Variants in OTOP1 observed in about 807,000 individuals in gnomAD.
OTOP1 encodes proton channel OTOP1.
OTOP1 carries 59 observed loss-of-function variants against 52.9 expected under a neutral mutation model. That is an observed-to-expected ratio of 1.12 (90% CI 0.91 to 1.39). The LOEUF (loss-of-function observed/expected upper bound fraction) is 1.39, where lower values mean the gene tolerates loss of function less well. OTOP1 is among the 40% of genes most tolerant of loss of function. The pLI is 0.00. For synonymous variants in OTOP1, 317 were observed against 337.7 expected, an observed-to-expected ratio of 0.94 and a Z score of 0.67; for missense variants, 761 against 800.9, an observed-to-expected ratio of 0.95 and a Z score of 0.60.
At chr4:4,189,528 G>A (rs1374206869) in intron 5 of OTOP1, among the ~76,000 whole-genome samples, 19 of 152,098 alleles carry the variant, frequency 1.2e-4, no homozygotes, top group Admixed American at 1.2e-3. Flanking sequence ...CAGCCTCTAG[G>A]ATGACCCTCA....
At chr4:4,223,622 G>C (rs189912708) in intron 1 of OTOP1, among the ~76,000 whole-genome samples, 1 of 152,088 alleles carries the variant, frequency 6.6e-6, no homozygotes, top group Non-Finnish European at 1.5e-5. Flanking sequence ...GCACCAGGCC[G>C]GGCGTGGTGG....
chr4:4,220,103 A>AT (rs1463272602), intron 1 of OTOP1, among the ~76,000 whole-genome samples: 33 of 53,592 alleles, frequency 6.2e-4, no homozygotes, highest in African/African-American at 1.5e-3. Context: ...ATATATATAT[A>AT]TATTTTTTTT....
At chr4:4,189,565 C>T (rs113778725) in intron 5 of OTOP1, among the ~76,000 whole-genome samples, 1 of 152,314 alleles carries the variant, frequency 6.6e-6, no homozygotes, top group East Asian at 1.9e-4. Flanking sequence ...GCAGTCACCC[C>T]CTTGTGGAGT....
intron 2 of OTOP1, among the ~76,000 whole-genome samples, chr4:4,212,395 T>A (rs571697980): frequency 2.0e-5 from 3 of 152,226 alleles, no homozygotes; most frequent in Admixed American, 6.5e-5. Context: ...GAGGAGGCAC[T>A]GCAATGGCAC....
At chr4:4,210,236 C>T (rs1310365288) in intron 2 of OTOP1, among the ~76,000 whole-genome samples, 2 of 152,236 alleles carry the variant, frequency 1.3e-5, no homozygotes, top group Non-Finnish European at 2.9e-5. Flanking sequence ...GTTCTGCCCT[C>T]ATTAAAGCTT....
At chr4:4,203,729 C>T (rs1213695680) in intron 3 of OTOP1, among the ~76,000 whole-genome samples, 2 of 152,214 alleles carry the variant, frequency 1.3e-5, no homozygotes, top group African/African-American at 4.8e-5. Context: ...GCACGTGCAG[C>T]AAACACTGGT....
intron 2 of OTOP1, among the ~76,000 whole-genome samples, chr4:4,208,041 T>G (rs1560208334): frequency 6.6e-6 from 1 of 152,200 alleles, no homozygotes; most frequent in Non-Finnish European, 1.5e-5. Context: ...TCAGCGAACC[T>G]GCATTCCTAC....
chr4:4,190,039 G>T (rs1167297790), intron 5 of OTOP1, among the ~76,000 whole-genome samples: 2 of 152,194 alleles, frequency 1.3e-5, no homozygotes, highest in African/African-American at 4.8e-5. Context: ...GAGTATTGGG[G>T]TGGTCTCTTC....
In OTOP1 at chr4:4,198,006, C is replaced by G. The variant is rs552563487; in HGVS notation, c.828G>C (p.Glu276Asp). 5.0e-6 allele frequency: 8 copies of G among 1,614,070 alleles called. No individual in the cohort carries two copies. In the East Asian group the frequency reaches 1.6e-4, roughly 31 times the overall value. The change falls in exon 5 of 6, where the codon GAG becomes GAC. Residue 276 changes from glutamate to aspartate, a missense_variant. By Grantham distance (45) the Glu-to-Asp change is conservative. Transcript: ENST00000296358. ...GCATTGTGGAGGCCAGGATCTGATA[C>G]TCTATGTTGAAGGGGTAGAGGTAGT... ...GIYYLYPFNI[E>D]YQILASTMLY...
chr4:4,212,966 C>T lies in OTOP1; in HGVS notation c.442G>A (p.Gly148Arg), dbSNP rs769806517. The T allele has an allele frequency of 3.1e-6, 5 of 1,613,932 alleles. No homozygotes were observed. Among genetic ancestry groups the T allele is most frequent in the Non-Finnish European group, 4.2e-6 (5 of 1,179,892 alleles). Residue 148 changes from glycine (G) to arginine (R), a missense_variant, in exon 2 of 6, where the codon GGA (glycine) becomes AGA (arginine). Around this residue, in one of 3 missense-constraint regions of OTOP1, gnomAD observed 632 missense variants for 619.5 expected, o/e 1.02. Transcript: ENST00000296358. ...TLFAVITVIL[G>R]CLKIGYFIGF... ...ATGAAGTATCCAATTTTAAGGCATC[C>T]CAGGATGACGGTAATGACTGCAAAC...
Position 4,197,428 on chromosome 4 carries a change from C to T in OTOP1, c.1406G>A (p.Gly469Asp), listed in dbSNP as rs1716665873. 6.2e-7 allele frequency: 1 copy of T among 1,614,022 alleles called. No homozygotes were observed. Among genetic ancestry groups the T allele is most frequent in the Non-Finnish European group, 8.5e-7 (1 of 1,180,020 alleles). Reference sequence around the variant, plus strand: ...GGAAGAAGCAAGGGGCATGGTGTTGCCATTGCAGACTGTGACCACCCGAAG... The same window carrying T: ...GGAAGAAGCAAGGGGCATGGTGTTGTCATTGCAGACTGTGACCACCCGAAG... ...QTLRVVTVCNGNTMPLASSCP... is the reference protein window; with the variant it reads ...QTLRVVTVCNDNTMPLASSCP... The change falls in exon 5 of 6, where the codon GGC becomes GAC. Residue 469 changes from glycine (G) to aspartate (D), a missense_variant. Transcript: ENST00000296358.
In OTOP1 at chr4:4,197,847, C is replaced by T. The variant is rs749701840; in HGVS notation, c.987G>A (p.Val329=). 5 of 1,614,080 alleles carry T rather than the reference C, an allele frequency of 3.1e-6. No homozygotes were observed. The highest frequency in any genetic ancestry group is 2.2e-5 in the East Asian group (1 of 44,876). The change falls in exon 5 of 6, where the codon GTG becomes GTA. Residue 329 remains valine, a synonymous_variant. Coordinates refer to ENST00000296358, the MANE Select transcript of OTOP1 (RefSeq NM_177998.3). ...GCCCAATATGAATCAGGTATACCAC[C>T]ACCACAGCAATGGTGGCGGCCAGCA... ...LTVLAATIAV[V]VVYLIHIGRS...
At chr4:4,214,251 A>G (rs1717087569) in intron 1 of OTOP1, among the ~76,000 whole-genome samples, 1 of 152,164 alleles carries the variant, frequency 6.6e-6, no homozygotes. Flanking sequence ...ACTACAAAAT[A>G]CCATCACACT....
chr4:4,222,733 A>G (rs1717329096), intron 1 of OTOP1, among the ~76,000 whole-genome samples: 4 of 152,178 alleles, frequency 2.6e-5, no homozygotes. Flanking sequence ...CTATTGATCT[A>G]AGATTGTCAC....
At chr4:4,206,266 G>T in intron 2 of OTOP1, 136 bp from the exon 3 acceptor site, 1 of 644,956 alleles carries the variant, frequency 1.6e-6, no homozygotes, top group Non-Finnish European at 2.6e-6. Flanking sequence ...CTCCATCTTA[G>T]GTGGCAGTGC....
intron 1 of OTOP1, among the ~76,000 whole-genome samples, chr4:4,221,048 T>TATTC (rs1560211831): frequency 1.4e-4 from 2 of 14,182 alleles, no homozygotes; most frequent in Admixed American, 6.5e-4. Context: ...TTATTCTATT[T>TATTC]TATTTTATTT....
chr4:4,201,489 C>CAA (rs1716787962), intron 4 of OTOP1, among the ~76,000 whole-genome samples: 1 of 151,026 alleles, frequency 6.6e-6, no homozygotes, highest in Non-Finnish European at 1.5e-5. Flanking sequence ...CACACACACA[C>CAA]ACACACACAC....
intron 5 of OTOP1, among the ~76,000 whole-genome samples, chr4:4,191,436 C>T (rs1186939418): frequency 2.0e-5 from 3 of 152,200 alleles, no homozygotes; most frequent in Non-Finnish European, 4.4e-5. Context: ...TCTACACTCC[C>T]GCATGGGGTG....
chr4:4,225,691 G>A lies in OTOP1; in HGVS notation c.403+771C>T, dbSNP rs114259754. ...CCTCTTTGCCCCACCCTGCATCCAC[G>A]CATTCATTATTTCATTCATACCCCC... On this transcript the variant is annotated intron_variant, in intron 1 of 5. Transcript: ENST00000296358. Among the ~76,000 whole-genome samples, 1,152 of 151,934 alleles carry A rather than the reference G, an allele frequency of 7.6e-3. 14 individuals carry two copies. Among genetic ancestry groups the A allele is most frequent in the African/African-American group, 0.025 (1,047 of 41,414 alleles).
Sources: gnomAD v4.1 joint callset for allele counts (sites outside exome capture counted in the v4.1 genomes callset) on GRCh38, gnomAD v4.1.1 for gene constraint, gnomAD v4.1.1 regional missense constraint, MANE v1.5 for transcripts, NCBI Gene and HGNC (gene_info 2026-07-23, HGNC 2026-07-21) for gene names.